VPS37A: variants seen among roughly 807,000 people sequenced by gnomAD.
VPS37A encodes vacuolar protein sorting-associated protein 37A.
In VPS37A, 30 loss-of-function variants were observed where a neutral mutation model predicts 49.8. The observed-to-expected ratio is 0.60, with a 90% confidence interval of 0.45 to 0.82. The LOEUF is 0.82. Ranked by LOEUF, VPS37A falls within the 40% of genes least tolerant of loss-of-function variation. The pLI, the probability that VPS37A is intolerant of heterozygous loss-of-function variation, is 0.00. For missense variants in VPS37A, 593 were observed against 464.4 expected, an observed-to-expected ratio of 1.28 and a Z score of -2.55; for synonymous variants, 195 against 160.6, an observed-to-expected ratio of 1.21 and a Z score of -1.62.
Position 17,259,757 on chromosome 8 carries a change from T to C in VPS37A, c.126-6150T>C, listed in dbSNP as rs148715448. 6.6e-5 allele frequency among the ~76,000 whole-genome samples: 10 copies of C among 152,260 alleles called. 1 individual carries two copies. In the East Asian group the frequency reaches 1.5e-3, roughly 23 times the overall value. On this transcript the variant is annotated intron_variant, in intron 1 of 11. Coordinates refer to ENST00000324849, the MANE Select transcript of VPS37A (RefSeq NM_152415.3). ...TGTATGTACTTTGGAGCTCTGGTTT[T>C]GGGTGCATAGATATTTCTAATTGTT...
At chr8:17,328,968 T>A in the VPS37A span, among the ~76,000 whole-genome samples, 9 of 152,212 alleles carry the variant, frequency 5.9e-5, no homozygotes, top group Non-Finnish European at 1.0e-4. Context: ...GTGAACTTGG[T>A]CCTAGATTTC....
chr8:17,310,331 A>G, the VPS37A span, among the ~76,000 whole-genome samples: 3 of 152,158 alleles, frequency 2.0e-5, no homozygotes, highest in Admixed American at 6.5e-5. Flanking sequence ...GTCAAGTAAT[A>G]TGGATAGTCT....
chr8:17,324,606 ACTTGATCCATTTC>A, the VPS37A span, among the ~76,000 whole-genome samples: 50 of 152,336 alleles, frequency 3.3e-4, no homozygotes, highest in Non-Finnish European at 6.8e-4. Context: ...AAGCACACAT[ACTTGATCCATTTC>A]CTTCTTCTAA....
chr8:17,320,223 G>C, the VPS37A span, among the ~76,000 whole-genome samples: 3 of 152,124 alleles, frequency 2.0e-5, no homozygotes, highest in African/African-American at 7.2e-5. Flanking sequence ...TTCTGCACTT[G>C]TGTCTTGCAT....
the VPS37A span, among the ~76,000 whole-genome samples, chr8:17,333,276 T>G: frequency 1.3e-5 from 2 of 152,198 alleles, no homozygotes; most frequent in Non-Finnish European, 2.9e-5. Flanking sequence ...TAAGACAACT[T>G]ATGTTCACAC....
the VPS37A span, chr8:17,331,162 T>G: frequency 6.2e-7 from 1 of 1,611,050 alleles, no homozygotes; most frequent in Non-Finnish European, 8.5e-7. Context: ...TCCAGCATTT[T>G]CTGCAGACTG....
chr8:17,259,513 T>C (rs1163047761), intron 1 of VPS37A, among the ~76,000 whole-genome samples: 1 of 152,164 alleles, frequency 6.6e-6, no homozygotes, highest in Admixed American at 6.5e-5. Context: ...TTCTGGAGAA[T>C]GTTCCATGTG....
chr8:17,253,611 A>G (rs1433262191), intron 1 of VPS37A, among the ~76,000 whole-genome samples: 6 of 152,284 alleles, frequency 3.9e-5, no homozygotes, highest in South Asian at 2.1e-4. Flanking sequence ...TGTACACTGT[A>G]TTTCCCTGAT....
chr8:17,268,385 G>T lies in VPS37A; in HGVS notation c.315+13G>T, dbSNP rs766526658. On this transcript the variant is annotated intron_variant, in intron 3 of 11. Coordinates refer to ENST00000324849, the MANE Select transcript of VPS37A (RefSeq NM_152415.3). ...ATTAGTAAACAATGTATGTATATGG[G>T]ATAATTTATTTCAGGGTAATATAAT... 2.6e-6 allele frequency: 4 copies of T among 1,543,554 alleles called. No homozygotes were observed. Among genetic ancestry groups the T allele is most frequent in the South Asian group, 2.3e-5 (2 of 87,616 alleles).
At chr8:17,306,044 C>T, downstream of VPS37A, 1 of 1,000,740 alleles carries the variant, frequency 1.0e-6, no homozygotes, top group Non-Finnish European at 1.5e-6. Flanking sequence ...ATAAAAGCAA[C>T]CCTAGTTCCT....
At chr8:17,309,335 G>A in the VPS37A span, 4 of 1,541,476 alleles carry the variant, frequency 2.6e-6, no homozygotes, top group Non-Finnish European at 3.6e-6. Flanking sequence ...ACCTACACAA[G>A]AAAGAATACA....
intron 9 of VPS37A, among the ~76,000 whole-genome samples, chr8:17,281,210 G>T (rs916988810): frequency 6.6e-6 from 1 of 151,866 alleles, no homozygotes; most frequent in African/African-American, 2.4e-5. Flanking sequence ...ACGTATATTG[G>T]GCCATTATTA....
At chr8:17,273,656 G>A (rs1010173393) in intron 4 of VPS37A, among the ~76,000 whole-genome samples, 3 of 152,112 alleles carry the variant, frequency 2.0e-5, no homozygotes, top group Non-Finnish European at 2.9e-5. Context: ...GTGTATTAGG[G>A]TTTTATAATT....
At chr8:17,277,971 C>T (rs977009350) in intron 6 of VPS37A, among the ~76,000 whole-genome samples, 1 of 151,036 alleles carries the variant, frequency 6.6e-6, no homozygotes, top group East Asian at 2.0e-4. Context: ...AATACATGTC[C>T]ATGTACATAC....
chr8:17,302,299 C>T (rs759903186), downstream of VPS37A: 20 of 1,610,812 alleles, frequency 1.2e-5, no homozygotes, highest in African/African-American at 4.0e-5. Context: ...GATGGCAAAG[C>T]GTCGTGATAC....
chr8:17,297,091 C>T lies in VPS37A; in HGVS notation c.*2105C>T, dbSNP rs1254379618. 6.6e-6 allele frequency: 1 copy of T among 151,944 alleles called. No individual in the cohort carries two copies. The highest frequency in any genetic ancestry group is 6.6e-5 in the Admixed American group (1 of 15,244). 9.4% of individuals were successfully genotyped at this position (151,944 alleles called of 1,614,324 possible). A position where few individuals can be genotyped will look rare whatever the true frequency, so the allele number is the denominator to read the frequency against. ...TTTTCTTCATAAAAATTGGTCACATCGGAGAAGCAGTGCCACAGGAAAAAT... is the reference window on the plus strand; with the variant it reads ...TTTTCTTCATAAAAATTGGTCACATTGGAGAAGCAGTGCCACAGGAAAAAT... On this transcript the variant is annotated 3_prime_UTR_variant, in exon 12 of 12. Coordinates refer to ENST00000324849, the MANE Select transcript of VPS37A (RefSeq NM_152415.3).
chr8:17,251,325 T>A (rs1415161133), intron 1 of VPS37A, among the ~76,000 whole-genome samples: 1 of 152,232 alleles, frequency 6.6e-6, no homozygotes, highest in African/African-American at 2.4e-5. Flanking sequence ...TATTTTTATG[T>A]GAGACAACCC....
intron 4 of VPS37A, among the ~76,000 whole-genome samples, chr8:17,271,383 A>T (rs1813971565): frequency 1.3e-5 from 2 of 152,174 alleles, no homozygotes; most frequent in East Asian, 3.9e-4. Context: ...AGGCAGGCGG[A>T]TCACGAGGTC....
chr8:17,325,278 C>T, the VPS37A span, among the ~76,000 whole-genome samples: 1 of 152,152 alleles, frequency 6.6e-6, no homozygotes, highest in African/African-American at 2.4e-5. Context: ...GTCATACCCA[C>T]CACGATGGTG....
Sources: allele counts gnomAD v4.1 joint callset (sites outside exome capture counted in the v4.1 genomes callset), GRCh38; gene constraint gnomAD v4.1.1; transcripts MANE v1.5; gene names NCBI Gene and HGNC (gene_info 2026-07-23, HGNC 2026-07-21).